Variants in BCAR3 observed in about 807,000 individuals in gnomAD.
BCAR3 encodes the protein breast cancer anti-estrogen resistance protein 3.
BCAR3 carries 37 observed loss-of-function variants against 80.1 expected under a neutral mutation model. That is an observed-to-expected ratio of 0.46 (90% CI 0.36 to 0.61). The LOEUF (loss-of-function observed/expected upper bound fraction) is 0.61. Ranked by LOEUF, BCAR3 falls within the 20% of genes least tolerant of loss-of-function variation. BCAR3 has a pLI of 0.00. For synonymous variants in BCAR3, 389 were observed against 418.9 expected, an observed-to-expected ratio of 0.93 and a Z score of 0.87; for missense variants, 978 against 1,068.2, an observed-to-expected ratio of 0.92 and a Z score of 1.18.
intron 2 of BCAR3, among the ~76,000 whole-genome samples, chr1:93,796,541 C>G (rs1653277757): frequency 1.3e-5 from 2 of 150,996 alleles, no homozygotes; most frequent in East Asian, 3.9e-4. Flanking sequence ...ACACACTGGC[C>G]TGCGCCCACT....
chr1:93,600,168 G>C (rs1383553945), intron 3 of BCAR3, among the ~76,000 whole-genome samples: 4 of 152,236 alleles, frequency 2.6e-5, no homozygotes, highest in African/African-American at 4.8e-5. Context: ...TTCATGCCAG[G>C]GTTCGGGCCT....
At chr1:93,643,246 A>C (rs1046613930) in intron 2 of BCAR3, among the ~76,000 whole-genome samples, 2 of 149,650 alleles carry the variant, frequency 1.3e-5, no homozygotes, top group Non-Finnish European at 3.0e-5. Context: ...AAAAGAGGCC[A>C]GGCGTGGTGG....
At chr1:93,797,342 A>G (rs1286461944) in intron 2 of BCAR3, among the ~76,000 whole-genome samples, 2 of 152,136 alleles carry the variant, frequency 1.3e-5, no homozygotes, top group African/African-American at 4.8e-5. Context: ...TTTCTTGTAA[A>G]TGTCTTTCTT....
chr1:93,783,027 A>C (rs1282966974), intron 2 of BCAR3, among the ~76,000 whole-genome samples: 1 of 152,254 alleles, frequency 6.6e-6, no homozygotes, highest in Non-Finnish European at 1.5e-5. Flanking sequence ...AAGGAAAAAA[A>C]CATGAACTGG....
chr1:93,818,965 TATG>T (rs982349683), intron 2 of BCAR3, among the ~76,000 whole-genome samples: 1 of 152,236 alleles, frequency 6.6e-6, no homozygotes, highest in Non-Finnish European at 1.5e-5. Context: ...GCAATGTATA[TATG>T]ATATTTTTGT....
intron 2 of BCAR3, among the ~76,000 whole-genome samples, chr1:93,729,338 T>C (rs1650704210): frequency 6.6e-6 from 1 of 152,162 alleles, no homozygotes; most frequent in Non-Finnish European, 1.5e-5. Context: ...ATAAAGCCTA[T>C]TTTATAATAA....
chr1:93,608,446 C>T (rs74824228), intron 3 of BCAR3, among the ~76,000 whole-genome samples: 2 of 152,336 alleles, frequency 1.3e-5, no homozygotes, highest in East Asian at 3.9e-4. Context: ...CTGGGTCCCC[C>T]GTGCACTGCT....
intron 2 of BCAR3, among the ~76,000 whole-genome samples, chr1:93,748,429 AAGAACTG>A (rs1240944644): frequency 1.3e-5 from 2 of 152,148 alleles, no homozygotes; most frequent in Non-Finnish European, 2.9e-5. Context: ...ACCCATCCCC[AAGAACTG>A]TTTCCACCTA....
At chr1:93,690,707 G>C (rs934480271) in intron 3 of BCAR3, among the ~76,000 whole-genome samples, 1 of 152,208 alleles carries the variant, frequency 6.6e-6, no homozygotes, top group Non-Finnish European at 1.5e-5. Flanking sequence ...GTAAGATGAG[G>C]ATAATAGTTA....
intron 2 of BCAR3, among the ~76,000 whole-genome samples, chr1:93,712,347 GGTACAATTC>G (rs1650051454): frequency 6.6e-6 from 1 of 152,160 alleles, no homozygotes. Flanking sequence ...TCCCATGAGT[GGTACAATTC>G]CTGCTGCCAC....
chr1:93,673,614 A>C (rs1648324620), intron 2 of BCAR3, among the ~76,000 whole-genome samples: 1 of 152,250 alleles, frequency 6.6e-6, no homozygotes, highest in Admixed American at 6.5e-5. Context: ...AAAGGAGTGC[A>C]GTTTCCAAAC....
At chr1:93,834,787 ACT>A (rs1654705467) in intron 2 of BCAR3, among the ~76,000 whole-genome samples, 1 of 151,696 alleles carries the variant, frequency 6.6e-6, no homozygotes, top group African/African-American at 2.4e-5. Context: ...GGCTAAACTC[ACT>A]CTTTGTTGAG....
At position 93,824,158 on chromosome 1, in the gene BCAR3, C is replaced by T. The variant is rs1303818330; in HGVS notation, c.-63+21409G>A. On this transcript the variant is annotated intron_variant, in intron 2 of 13. Coordinates refer to the BCAR3 transcript ENST00000370244. ...ATGAACAAGAACCCTCAGCCACTACCCCAGGTCTGGCCAACGTGGCCTGGC... is the reference window on the plus strand; with the variant it reads ...ATGAACAAGAACCCTCAGCCACTACTCCAGGTCTGGCCAACGTGGCCTGGC... Among the ~76,000 whole-genome samples, 2 of 133,992 alleles carry T rather than the reference C, an allele frequency of 1.5e-5. 1 individual carries two copies. Among genetic ancestry groups the T allele is most frequent in the African/African-American group, 5.0e-5 (2 of 39,808 alleles). The allele number at this position is 133,992 out of a possible 152,430, so 87.9% of individuals were successfully genotyped here.
At chr1:93,697,001 C>A (rs1649434246) in intron 3 of BCAR3, among the ~76,000 whole-genome samples, 1 of 152,178 alleles carries the variant, frequency 6.6e-6, no homozygotes, top group African/African-American at 2.4e-5. Context: ...CTGGCGTCTC[C>A]GTGCACCCAC....
At chr1:93,846,656 C>T (rs1316043617) in intron 1 of BCAR3, among the ~76,000 whole-genome samples, 4 of 152,008 alleles carry the variant, frequency 2.6e-5, no homozygotes, top group Admixed American at 1.3e-4. Flanking sequence ...CGCGCGCCCT[C>T]CGACCACATG....
Position 93,840,397 on chromosome 1 carries a change from C to A in BCAR3, c.-63+5170G>T, listed in dbSNP as rs565537757. Among the ~76,000 whole-genome samples, 6 of 152,248 alleles carry A rather than the reference C, an allele frequency of 3.9e-5. No individual in the cohort carries two copies. The South Asian group carries it at 1.0e-3, about 26-fold the overall frequency. ...AGTGAGGTCTGATATACATGAAGAA[C>A]CCAGAAAAGTGCCTGGTGTGATGCG... is the stretch of plus-strand genomic sequence containing the variant. On this transcript the variant is annotated intron_variant, in intron 2 of 13. Transcript: ENST00000370244.
At chr1:93,563,665 C>T (rs892280262) in intron 11 of BCAR3, among the ~76,000 whole-genome samples, 2 of 152,172 alleles carry the variant, frequency 1.3e-5, no homozygotes, top group Non-Finnish European at 2.9e-5. Context: ...AGTTTTTCCA[C>T]ATGCTGCCAA....
At chr1:93,593,567 G>A (rs560884223) in intron 3 of BCAR3, among the ~76,000 whole-genome samples, 64 of 151,298 alleles carry the variant, frequency 4.2e-4, no homozygotes, top group Non-Finnish European at 8.1e-4. Flanking sequence ...TAGAGATAGG[G>A]TTTTGCCATG....
At chr1:93,735,906 C>A (rs1650956853) in intron 2 of BCAR3, among the ~76,000 whole-genome samples, 1 of 152,158 alleles carries the variant, frequency 6.6e-6, no homozygotes, top group Non-Finnish European at 1.5e-5. Context: ...AAAGAACATT[C>A]CTGCCACCAG....
Sources: allele counts gnomAD v4.1 joint callset (sites outside exome capture counted in the v4.1 genomes callset), GRCh38; gene constraint gnomAD v4.1.1; transcripts MANE v1.5; gene names NCBI Gene and HGNC (gene_info 2026-07-23, HGNC 2026-07-21).